Variants in MAGI1 observed in about 807,000 individuals in gnomAD.
MAGI1 encodes membrane-associated guanylate kinase, WW and PDZ domain-containing protein 1.
MAGI1 carries 58 observed loss-of-function variants against 139.9 expected under a neutral mutation model. The ratio of observed to expected loss-of-function variants is 0.41; its 90% CI spans 0.34 to 0.52. MAGI1 has a LOEUF of 0.52. Among genes scored for constraint, MAGI1 ranks in the 20% least tolerant of loss-of-function variants. MAGI1 has a pLI of 0.12. For missense variants in MAGI1, 1,874 were observed against 1,901.6 expected (o/e 0.99, Z 0.27); for synonymous variants, 812 against 737.9 (o/e 1.10, Z -1.63).
At chr3:65,794,330 C>T (rs2039981022) in intron 1 of MAGI1, among the ~76,000 whole-genome samples, 1 of 152,182 alleles carries the variant, frequency 6.6e-6, no homozygotes, top group Non-Finnish European at 1.5e-5. Flanking sequence ...TCTCAAAACT[C>T]AACAGCACCT....
At chr3:66,021,668 A>C (rs1560118826) in intron 1 of MAGI1, among the ~76,000 whole-genome samples, 1 of 152,162 alleles carries the variant, frequency 6.6e-6, no homozygotes, top group Non-Finnish European at 1.5e-5. Context: ...CAGGATTCTG[A>C]TCCCGTAGGT....
At chr3:65,555,179 C>T (rs1287729482) in intron 2 of MAGI1, among the ~76,000 whole-genome samples, 1 of 152,086 alleles carries the variant, frequency 6.6e-6, no homozygotes, top group African/African-American at 2.4e-5. Flanking sequence ...TTTACTCATT[C>T]AATTTTTTCA....
intron 2 of MAGI1, among the ~76,000 whole-genome samples, chr3:65,511,660 C>G (rs201683861): frequency 0.063 from 9,085 of 144,420 alleles, 318 homozygotes; most frequent in Admixed American, 0.091. Context: ...TAAAGCAAGT[C>G]CTGAGTGACC....
At chr3:65,923,924 A>G (rs577497853) in intron 1 of MAGI1, among the ~76,000 whole-genome samples, 140 of 152,380 alleles carry the variant, frequency 9.2e-4, no homozygotes, top group Non-Finnish European at 1.5e-3. Context: ...TGCAGCATCA[A>G]TGCACCTGAA....
chr3:65,991,554 A>C (rs2066174837), intron 1 of MAGI1, among the ~76,000 whole-genome samples: 1 of 152,184 alleles, frequency 6.6e-6, no homozygotes, highest in African/African-American at 2.4e-5. Context: ...GGGTGAGCTA[A>C]TGCAAGCAGA....
chr3:65,653,035 G>A (rs1337417110), intron 1 of MAGI1, among the ~76,000 whole-genome samples: 2 of 152,084 alleles, frequency 1.3e-5, no homozygotes, highest in East Asian at 1.9e-4. Flanking sequence ...GCAAGAATCC[G>A]GGTCACTTGT....
intron 1 of MAGI1, among the ~76,000 whole-genome samples, chr3:65,741,280 T>C (rs2035243876): frequency 6.6e-6 from 1 of 152,064 alleles, no homozygotes; most frequent in Non-Finnish European, 1.5e-5. Flanking sequence ...GTTCACGCCA[T>C]TCTCCCACCT....
chr3:65,896,888 T>C (rs1003360499), intron 1 of MAGI1, among the ~76,000 whole-genome samples: 3 of 152,182 alleles, frequency 2.0e-5, no homozygotes, highest in East Asian at 1.9e-4. Flanking sequence ...TTTGATTTTA[T>C]ACACCTACAC....
chr3:65,869,454 G>A (rs1046311906), intron 1 of MAGI1, among the ~76,000 whole-genome samples: 1 of 150,086 alleles, frequency 6.7e-6, no homozygotes, highest in Non-Finnish European at 1.5e-5. Flanking sequence ...AGGTTGGAGT[G>A]CAGTGGCGTG....
intron 1 of MAGI1, among the ~76,000 whole-genome samples, chr3:65,802,280 T>A (rs950021194): frequency 4.6e-5 from 7 of 152,112 alleles, no homozygotes; most frequent in African/African-American, 1.4e-4. Context: ...CCATATCCTA[T>A]CAGAAAAGGT....
At chr3:65,738,218 G>A (rs2034947219) in intron 1 of MAGI1, among the ~76,000 whole-genome samples, 1 of 152,154 alleles carries the variant, frequency 6.6e-6, no homozygotes, top group Non-Finnish European at 1.5e-5. Context: ...CAATAAAGCA[G>A]GTCACATAAA....
At chr3:65,657,433 C>CA (rs34377694) in intron 1 of MAGI1, among the ~76,000 whole-genome samples, 45,122 of 134,622 alleles carry the variant, frequency 0.34, 7,967 homozygotes, top group East Asian at 0.6. Flanking sequence ...CCATCTCTAT[C>CA]AAAAAAAAAA....
At chr3:65,608,515 C>T (rs754048476) in intron 2 of MAGI1, among the ~76,000 whole-genome samples, 1 of 151,888 alleles carries the variant, frequency 6.6e-6, no homozygotes, top group African/African-American at 2.4e-5. Flanking sequence ...TCCAAATAGA[C>T]AATGAGCATT....
At chr3:65,610,702 G>GA (rs530111491) in intron 2 of MAGI1, among the ~76,000 whole-genome samples, 187 of 113,250 alleles carry the variant, frequency 1.7e-3, no homozygotes, top group Non-Finnish European at 3.0e-3. Context: ...CGGGAAAGGA[G>GA]AAAAACGTCA....
chr3:65,534,559 T>C (rs1032408641), intron 2 of MAGI1, among the ~76,000 whole-genome samples: 1 of 152,144 alleles, frequency 6.6e-6, no homozygotes, highest in Non-Finnish European at 1.5e-5. Flanking sequence ...GCCCAAGCCA[T>C]GTTACTTGGG....
chr3:65,951,031 GGAAGGA>G (rs1560047335), intron 1 of MAGI1, among the ~76,000 whole-genome samples: 5,528 of 84,212 alleles, frequency 0.066, 538 homozygotes, highest in Middle Eastern at 0.13. Flanking sequence ...AAGGAAGGAA[GGAAGGA>G]AAGGAGGGAG....
chr3:65,626,163 G>A (rs535429989), intron 1 of MAGI1, among the ~76,000 whole-genome samples: 1 of 152,108 alleles, frequency 6.6e-6, no homozygotes, highest in African/African-American at 2.4e-5. Context: ...CGGCAAAGAC[G>A]TCTATGATAT....
At chr3:65,563,400 C>T (rs2080461454) in intron 2 of MAGI1, among the ~76,000 whole-genome samples, 1 of 152,130 alleles carries the variant, frequency 6.6e-6, no homozygotes, top group African/African-American at 2.4e-5. Flanking sequence ...GTTAGTCTCC[C>T]TCCCACATGA....
At chr3:65,869,187 C>G (rs1192759147) in intron 1 of MAGI1, among the ~76,000 whole-genome samples, 2 of 143,004 alleles carry the variant, frequency 1.4e-5, no homozygotes, top group African/African-American at 5.2e-5. Flanking sequence ...ACCCAGGAGG[C>G]GGAGCTTGCA....
Sources: gnomAD v4.1 joint callset for allele counts (sites outside exome capture counted in the v4.1 genomes callset) on GRCh38, gnomAD v4.1.1 for gene constraint, MANE v1.5 for transcripts, NCBI Gene and HGNC (gene_info 2026-07-23, HGNC 2026-07-21) for gene names.